The following NAALADL2 variants were observed in gnomAD, a reference collection of about 807,000 sequenced individuals.
The protein encoded by NAALADL2 is N-acetylated alpha-linked acidic dipeptidase like 2.
Under a neutral mutation model 87.2 loss-of-function variants are expected in NAALADL2, and 76 were observed. The observed-to-expected ratio is 0.87, with a 90% CI of 0.72 to 1.05. The LOEUF (loss-of-function observed/expected upper bound fraction) is 1.05, where lower values mean the gene tolerates loss of function less well. NAALADL2 is among the 50% of genes least tolerant of loss of function. The pLI, the probability that NAALADL2 is intolerant of heterozygous loss-of-function variation, is 0.00. For missense variants in NAALADL2, 1,089 were observed against 945.8 expected (o/e 1.15, Z -1.99); for synonymous variants, 354 against 331.0 (o/e 1.07, Z -0.75).
At chr3:174,989,294 G>C (rs961884303) in intron 1 of NAALADL2, among the ~76,000 whole-genome samples, 1 of 152,128 alleles carries the variant, frequency 6.6e-6, no homozygotes, top group African/African-American at 2.4e-5. Context: ...GGTACTGTCA[G>C]GATTTCAGAC....
intron 1 of NAALADL2, among the ~76,000 whole-genome samples, chr3:174,443,280 C>T (rs971360664): frequency 6.6e-6 from 1 of 152,050 alleles, no homozygotes. Flanking sequence ...GGCTTAGACC[C>T]GGATGATAGC....
chr3:175,069,117 T>C (rs933480921), intron 1 of NAALADL2, among the ~76,000 whole-genome samples: 103 of 151,294 alleles, frequency 6.8e-4, no homozygotes, highest in African/African-American at 2.5e-3. Context: ...ACTTCATGTC[T>C]CAAACACCAA....
intron 2 of NAALADL2, among the ~76,000 whole-genome samples, chr3:175,122,249 C>A (rs1473209268): frequency 1.3e-5 from 2 of 151,804 alleles, no homozygotes; most frequent in Non-Finnish European, 2.9e-5. Context: ...CACTGGGCCA[C>A]TGCAATCAAC....
chr3:174,490,057 GA>G (rs1387042762), intron 1 of NAALADL2, among the ~76,000 whole-genome samples: 1 of 151,830 alleles, frequency 6.6e-6, no homozygotes, highest in Non-Finnish European at 1.5e-5. Context: ...AGCTATATAT[GA>G]AAAAAGAAAT....
chr3:174,831,275 A>G (rs1722655024), intron 3 of NAALADL2, among the ~76,000 whole-genome samples: 4 of 150,074 alleles, frequency 2.7e-5, no homozygotes, highest in Non-Finnish European at 5.9e-5. Flanking sequence ...ATTTTGAAAT[A>G]CGTCCCATCA....
intron 9 of NAALADL2, among the ~76,000 whole-genome samples, chr3:175,501,285 G>A (rs1268686404): frequency 6.6e-6 from 1 of 152,108 alleles, no homozygotes; most frequent in Non-Finnish European, 1.5e-5. Context: ...TCTCAGAACT[G>A]CTTTCCTTTT....
intron 11 of NAALADL2, among the ~76,000 whole-genome samples, chr3:175,672,946 T>C (rs897497655): frequency 6.6e-6 from 1 of 152,032 alleles, no homozygotes; most frequent in Non-Finnish European, 1.5e-5. Flanking sequence ...AAACTCAAGA[T>C]TTATCATCTT....
chr3:175,203,836 A>T (rs1244913925), intron 2 of NAALADL2, among the ~76,000 whole-genome samples: 2 of 152,226 alleles, frequency 1.3e-5, no homozygotes, highest in Non-Finnish European at 2.9e-5. Context: ...ATAAATTAGA[A>T]AATCTGGAAA....
intron 4 of NAALADL2, among the ~76,000 whole-genome samples, chr3:175,274,780 A>G (rs1753342893): frequency 6.6e-6 from 1 of 152,210 alleles, no homozygotes; most frequent in African/African-American, 2.4e-5. Flanking sequence ...CTTCAAGATA[A>G]CAGAAGCCCT....
chr3:174,685,611 T>G (rs1727956737), intron 2 of NAALADL2, among the ~76,000 whole-genome samples: 1 of 152,126 alleles, frequency 6.6e-6, no homozygotes, highest in Non-Finnish European at 1.5e-5. Context: ...CTTGGCTCCA[T>G]CCTCCTACAC....
intron 5 of NAALADL2, among the ~76,000 whole-genome samples, chr3:175,333,650 T>C (rs759667785): frequency 2.6e-5 from 4 of 152,000 alleles, no homozygotes; most frequent in Non-Finnish European, 4.4e-5. Context: ...AGTAGAATGA[T>C]AGATATCAGA....
chr3:174,448,587 G>T (rs765468399), intron 1 of NAALADL2, among the ~76,000 whole-genome samples: 1 of 152,134 alleles, frequency 6.6e-6, no homozygotes, highest in Non-Finnish European at 1.5e-5. Context: ...AGATTCTATT[G>T]CTCACTGCAC....
chr3:175,101,578 C>T (rs1209872065), intron 2 of NAALADL2, among the ~76,000 whole-genome samples: 2 of 152,032 alleles, frequency 1.3e-5, no homozygotes, highest in Non-Finnish European at 1.5e-5. Context: ...GTTTTGCCAT[C>T]GAAAGTAATG....
At chr3:175,125,251 A>T (rs1383532401) in intron 2 of NAALADL2, among the ~76,000 whole-genome samples, 1 of 152,026 alleles carries the variant, frequency 6.6e-6, no homozygotes, top group Non-Finnish European at 1.5e-5. Flanking sequence ...AACATACTGG[A>T]TAGTACAGGG....
chr3:175,751,792 A>G (rs1350014756), intron 12 of NAALADL2, among the ~76,000 whole-genome samples: 1 of 152,070 alleles, frequency 6.6e-6, no homozygotes, highest in African/African-American at 2.4e-5. Context: ...GAACAGCCTC[A>G]GTTTGTCCTC....
intron 3 of NAALADL2, among the ~76,000 whole-genome samples, chr3:174,804,379 G>A (rs1311478232): frequency 6.6e-6 from 1 of 152,050 alleles, no homozygotes; most frequent in African/African-American, 2.4e-5. Context: ...GAGACATTGG[G>A]GTTTTCTAAA....
chr3:175,463,688 A>T (rs1487513014), intron 7 of NAALADL2, among the ~76,000 whole-genome samples, 195 bp downstream of exon 7: 1 of 117,160 alleles, frequency 8.5e-6, no homozygotes, highest in Non-Finnish European at 1.7e-5. Context: ...TTCTAAAATA[A>T]ATCTTAGTCG....
At chr3:175,219,864 CTTTCTTT>C (rs1451652184) in intron 2 of NAALADL2, among the ~76,000 whole-genome samples, 17 of 118,698 alleles carry the variant, frequency 1.4e-4, no homozygotes, top group East Asian at 5.1e-4. Context: ...TTGTGGTTTT[CTTTCTTT>C]TTTTTTTTTT....
At chr3:175,237,003 G>A (rs1746021206) in intron 3 of NAALADL2, among the ~76,000 whole-genome samples, 1 of 152,036 alleles carries the variant, frequency 6.6e-6, no homozygotes, top group Admixed American at 6.6e-5. Context: ...ATAAATGTTT[G>A]GCTATGTAGT....
Sources: gnomAD v4.1 joint callset for allele counts (sites outside exome capture counted in the v4.1 genomes callset) on GRCh38, gnomAD v4.1.1 for gene constraint, MANE v1.5 for transcripts, NCBI Gene and HGNC (gene_info 2026-07-23, HGNC 2026-07-21) for gene names.